The following MAF variants were observed in gnomAD, a reference collection of about 807,000 sequenced individuals.
The protein encoded by MAF is transcription factor Maf.
In MAF, 10 loss-of-function variants were observed where a neutral mutation model predicts 22.0. The ratio of observed to expected loss-of-function variants is 0.45; its 90% CI spans 0.28 to 0.77. MAF has a LOEUF of 0.77. Ranked by LOEUF, MAF falls within the 30% of genes least tolerant of loss-of-function variation. The pLI, the probability that MAF is intolerant of heterozygous loss-of-function variation, is 0.12. For synonymous variants in MAF, 337 were observed against 255.8 expected (o/e 1.32, Z -3.03); for missense variants, 544 against 548.4 (o/e 0.99, Z 0.08).
the MAF span, among the ~76,000 whole-genome samples, chr16:79,341,907 A>C: frequency 6.6e-6 from 1 of 152,196 alleles, no homozygotes; most frequent in Non-Finnish European, 1.5e-5. Flanking sequence ...AACAGGGATG[A>C]TGTTTGTGCA....
the MAF span, among the ~76,000 whole-genome samples, chr16:79,318,465 G>T: frequency 6.6e-6 from 1 of 152,120 alleles, no homozygotes; most frequent in Non-Finnish European, 1.5e-5. Context: ...ACATGTGACA[G>T]CCACAAACCT....
At chr16:79,341,051 G>C in the MAF span, among the ~76,000 whole-genome samples, 3 of 152,296 alleles carry the variant, frequency 2.0e-5, no homozygotes, top group South Asian at 2.1e-4. Flanking sequence ...AGGGACCAAG[G>C]CCTGCAGCAT....
downstream of MAF, among the ~76,000 whole-genome samples, chr16:79,581,713 A>G (rs1448035855): frequency 6.6e-6 from 1 of 152,214 alleles, no homozygotes; most frequent in African/African-American, 2.4e-5. Flanking sequence ...GAGGGAAAAC[A>G]CAATCCTACC....
chr16:79,570,136 G>A, the MAF span, among the ~76,000 whole-genome samples: 2 of 151,762 alleles, frequency 1.3e-5, no homozygotes, highest in Admixed American at 1.3e-4. Context: ...AAATTGACAG[G>A]TTGATGCTTT....
the MAF span, among the ~76,000 whole-genome samples, chr16:79,551,911 T>C: frequency 6.6e-6 from 1 of 151,998 alleles, no homozygotes; most frequent in African/African-American, 2.4e-5. Context: ...TTCCTGCCAA[T>C]CCCTGGCATT....
At chr16:79,523,586 AG>A in the MAF span, among the ~76,000 whole-genome samples, 1 of 152,196 alleles carries the variant, frequency 6.6e-6, no homozygotes, top group South Asian at 2.1e-4. Context: ...CTGCCTCAAG[AG>A]TTTAGTGAAG....
chr16:79,294,061 T>G, the MAF span, among the ~76,000 whole-genome samples: 4 of 152,180 alleles, frequency 2.6e-5, no homozygotes, highest in Non-Finnish European at 5.9e-5. Flanking sequence ...TAATTAAGAT[T>G]CCATCACAAT....
At chr16:79,437,854 A>C in the MAF span, among the ~76,000 whole-genome samples, 2 of 152,202 alleles carry the variant, frequency 1.3e-5, no homozygotes, top group African/African-American at 4.8e-5. Flanking sequence ...GGGTTCCCAC[A>C]TGCTGAGACG....
chr16:79,392,015 GAA>G, the MAF span, among the ~76,000 whole-genome samples: 1 of 150,390 alleles, frequency 6.6e-6, no homozygotes, highest in African/African-American at 2.5e-5. Flanking sequence ...ACAGAGTAAG[GAA>G]AGAGAGAGAG....
At chr16:79,256,862 A>C in the MAF span, among the ~76,000 whole-genome samples, 1 of 152,132 alleles carries the variant, frequency 6.6e-6, no homozygotes, top group Non-Finnish European at 1.5e-5. Context: ...CTACACGCAC[A>C]CAAACACACA....
chr16:79,571,530 A>ATTTTTTTTTTTTTTTTTTTTT, the MAF span, among the ~76,000 whole-genome samples: 6 of 103,876 alleles, frequency 5.8e-5, no homozygotes, highest in African/African-American at 1.9e-4. Context: ...TCTCAGCGGA[A>ATTTTTTTTTTTTTTTTTTTTT]TTTTTTTTTT....
At chr16:79,585,202 C>T (rs1357624512), downstream of MAF, among the ~76,000 whole-genome samples, 3 of 152,158 alleles carry the variant, frequency 2.0e-5, no homozygotes, top group African/African-American at 7.2e-5. Flanking sequence ...CATGCTGGGA[C>T]ACTTGTAATT....
the MAF span, among the ~76,000 whole-genome samples, chr16:79,445,827 T>C: frequency 1.3e-5 from 2 of 152,246 alleles, no homozygotes; most frequent in Non-Finnish European, 2.9e-5. Flanking sequence ...GATTGTGGTG[T>C]ATTATAGATG....
the MAF span, among the ~76,000 whole-genome samples, chr16:79,369,325 T>A: frequency 6.6e-6 from 1 of 152,150 alleles, no homozygotes; most frequent in Non-Finnish European, 1.5e-5. Flanking sequence ...GGAACTCACA[T>A]TCTAGTGACC....
chr16:79,375,945 G>T, the MAF span, among the ~76,000 whole-genome samples: 1 of 152,178 alleles, frequency 6.6e-6, no homozygotes, highest in African/African-American at 2.4e-5. Flanking sequence ...GGAGATCTGG[G>T]TGAGGAGAAA....
the MAF span, among the ~76,000 whole-genome samples, chr16:79,278,336 T>A: frequency 6.6e-6 from 1 of 152,244 alleles, no homozygotes; most frequent in African/African-American, 2.4e-5. Flanking sequence ...ATACCATGCT[T>A]AAAAACTACA....
the MAF span, among the ~76,000 whole-genome samples, chr16:79,360,185 T>C: frequency 0.039 from 5,899 of 152,258 alleles, 253 homozygotes; most frequent in African/African-American, 0.1. Context: ...ATGGGCTCCA[T>C]TGAAAATGAT....
At chr16:79,393,557 T>G in the MAF span, among the ~76,000 whole-genome samples, 2 of 152,232 alleles carry the variant, frequency 1.3e-5, no homozygotes, top group Admixed American at 6.5e-5. Context: ...ACCTCAGTGC[T>G]GGGCCTCCTC....
the MAF span, among the ~76,000 whole-genome samples, chr16:79,216,958 C>T: frequency 9.9e-5 from 15 of 151,982 alleles, no homozygotes; most frequent in Admixed American, 3.9e-4. Context: ...TACAGGCACC[C>T]GCCACCATGC....
Sources: allele counts gnomAD v4.1 joint callset (sites outside exome capture counted in the v4.1 genomes callset), GRCh38; gene constraint gnomAD v4.1.1; transcripts MANE v1.5; gene names NCBI Gene and HGNC (gene_info 2026-07-23, HGNC 2026-07-21).